TTYH2: variants seen among roughly 807,000 people sequenced by gnomAD.
The protein encoded by TTYH2 is protein tweety homolog 2.
TTYH2 carries 49 observed loss-of-function variants against 68.3 expected under a neutral mutation model. The ratio of observed to expected loss-of-function variants is 0.72; its 90% CI spans 0.57 to 0.91. The LOEUF is 0.91. Among genes scored for constraint, TTYH2 ranks in the 40% least tolerant of loss-of-function variants. The pLI is 0.00. For synonymous variants in TTYH2, 272 were observed against 300.8 expected (o/e 0.90, Z 0.99); for missense variants, 631 against 700.4 (o/e 0.90, Z 1.12).
rs200185724 is a variant in TTYH2 at position 74,241,294 on chromosome 17, T to TGTGTGC, written c.636-2077_636-2076insTGCGTG. On this transcript the variant is annotated intron_variant, in intron 4 of 13. Transcript: ENST00000269346. The surrounding 1 kb of genome is among the most constrained non-coding windows in gnomAD (Gnocchi z 4.1). ...GTGTGTGTGTGTGTGTGTGTGTGTG[T>TGTGTGC]GTGCGTGTAAAAATAAGAATGTGAT... 7.4e-4 allele frequency among the ~76,000 whole-genome samples: 107 copies of TGTGTGC among 144,330 alleles called. 1 individual carries two copies. Among genetic ancestry groups the TGTGTGC allele is most frequent in the African/African-American group, 2.7e-3 (104 of 38,158 alleles). 94.7% of individuals were successfully genotyped at this position (144,330 alleles called of 152,430 possible).
chr17:74,213,691 G>A lies in TTYH2; in HGVS notation c.104G>A (p.Ser35Asn). The A allele has an allele frequency of 2.5e-6, 4 of 1,612,570 alleles. No homozygotes were observed. The highest frequency in any genetic ancestry group is 1.1e-5 in the South Asian group (1 of 91,016). ...LRLQPVNSTFSPGDESYQESL... is the reference protein window; with the variant it reads ...LRLQPVNSTFNPGDESYQESL... Reference sequence around the variant, plus strand: ...CTGCAGCCCGTGAACAGCACCTTCAGCCCCGGCGACGAGAGTTACCAGGAG... The same window carrying A: ...CTGCAGCCCGTGAACAGCACCTTCAACCCCGGCGACGAGAGTTACCAGGAG... Residue 35 changes from serine to asparagine, a missense_variant, in exon 1 of 14, where the codon AGC (serine) becomes AAC (asparagine). By Grantham distance (46) the Ser-to-Asn change is conservative (BLOSUM62 1). Coordinates refer to ENST00000269346, the MANE Select transcript of TTYH2 (RefSeq NM_032646.6). This position sits in a 1 kb window ranked among gnomAD's most constrained non-coding sequence, Gnocchi z 6.1.
chr17:74,219,445 C>T (rs1456094507), intron 1 of TTYH2, among the ~76,000 whole-genome samples: 4 of 150,416 alleles, frequency 2.7e-5, no homozygotes, highest in Non-Finnish European at 2.9e-5. Context: ...GTGTGCAGTT[C>T]AGTTCAATGA....
Position 74,260,552 on chromosome 17 carries a change from A to C in TTYH2, c.*343A>C. The stretch of plus-strand genomic sequence containing the variant: ...CAGTGAGGAGGGGGCCAGGTCAGGC[A>C]CCACCATCAAGAGAGCTGTGTGTTC... On this transcript the variant is annotated 3_prime_UTR_variant, in exon 14 of 14. Coordinates refer to ENST00000269346, the MANE Select transcript of TTYH2 (RefSeq NM_032646.6). 1 of 341,950 alleles carries C rather than the reference A, an allele frequency of 2.9e-6. No homozygotes were observed. The highest frequency in any genetic ancestry group is 5.7e-6 in the Non-Finnish European group (1 of 176,646). 21.2% of individuals were successfully genotyped at this position (341,950 alleles called of 1,614,324 possible).
chr17:74,256,723 AC>A (rs1235395726), intron 13 of TTYH2, among the ~76,000 whole-genome samples: 2 of 152,108 alleles, frequency 1.3e-5, no homozygotes, highest in Admixed American at 6.6e-5. Context: ...ATCTCAGCTC[AC>A]TGCATCCTCC....
At chr17:74,225,496 G>A (rs892648952) in intron 2 of TTYH2, among the ~76,000 whole-genome samples, 1 of 152,172 alleles carries the variant, frequency 6.6e-6, no homozygotes, top group Non-Finnish European at 1.5e-5. Context: ...TGTAACCCAG[G>A]CCGGCGGGAG....
In TTYH2 at chr17:74,222,435, C is replaced by T. The variant is rs1362570253; in HGVS notation, c.130-50C>T. 1 of 1,552,776 alleles carries T rather than the reference C, an allele frequency of 6.4e-7. No individual in the cohort carries two copies. The highest frequency in any genetic ancestry group is 1.2e-5 in the South Asian group (1 of 83,238). On this transcript the variant is annotated intron_variant, in intron 1 of 13. Coordinates refer to ENST00000269346, the MANE Select transcript of TTYH2 (RefSeq NM_032646.6). The surrounding 1 kb of genome is among the most constrained non-coding windows in gnomAD (Gnocchi z 5.2). ...GCCCAAGGGCAGGGCACTTCCAGAGCCCCGCACTGCAGGGATGAAGAGTGA... is the reference window on the plus strand; with the variant it reads ...GCCCAAGGGCAGGGCACTTCCAGAGTCCCGCACTGCAGGGATGAAGAGTGA...
intron 2 of TTYH2, among the ~76,000 whole-genome samples, chr17:74,224,429 C>T (rs1382458208): frequency 6.6e-6 from 1 of 152,140 alleles, no homozygotes; most frequent in Non-Finnish European, 1.5e-5. Flanking sequence ...TGCACACACA[C>T]AGATACCCAC....
At chr17:74,250,440 G>A (rs911332636) in intron 10 of TTYH2, 83 bp downstream of exon 10, 11 of 1,176,074 alleles carry the variant, frequency 9.4e-6, no homozygotes, top group Admixed American at 4.5e-5. Flanking sequence ...GGTAGAGGCC[G>A]AGGGGAGCGA....
chr17:74,222,623 A>G lies in TTYH2; in HGVS notation c.268A>G (p.Thr90Ala). The change falls in exon 2 of 14, where the codon ACC becomes GCC. Residue 90 changes from threonine (T) to alanine (A), a missense_variant. Physicochemically the swap from Thr to Ala is moderately conservative, Grantham distance 58 (BLOSUM62 0). Coordinates refer to ENST00000269346, the MANE Select transcript of TTYH2 (RefSeq NM_032646.6). The surrounding 1 kb of genome is among the most constrained non-coding windows in gnomAD (Gnocchi z 5.2). ...CAAGCAGCACCACTCCTGCTGCATCACCTGGACGGCCGTGGTGGCCGGGCT... is the reference window on the plus strand; with the variant it reads ...CAAGCAGCACCACTCCTGCTGCATCGCCTGGACGGCCGTGGTGGCCGGGCT... ...QTKQHHSCCI[T>A]WTAVVAGLIC... 1.2e-6 allele frequency: 2 copies of G among 1,611,184 alleles called. No individual in the cohort carries two copies. Among genetic ancestry groups the G allele is most frequent in the Non-Finnish European group, 1.7e-6 (2 of 1,179,878 alleles).
Position 74,227,983 on chromosome 17 carries a change from C to CTTTTTTTTTTTTTT in TTYH2, c.303-2900_303-2887dup, listed in dbSNP as rs35080135. On this transcript the variant is annotated intron_variant, in intron 2 of 13. Coordinates refer to ENST00000269346, the MANE Select transcript of TTYH2 (RefSeq NM_032646.6). ...GAAGGAGGTTTCTTTTCTTTTCTTT[C>CTTTTTTTTTTTTTT]TTTTTTTTTTTTTTTTTTGAGATAG... Among the ~76,000 whole-genome samples, 142 of 112,494 alleles carry CTTTTTTTTTTTTTT rather than the reference C, an allele frequency of 1.3e-3. 9 individuals are homozygous for CTTTTTTTTTTTTTT. Among genetic ancestry groups the CTTTTTTTTTTTTTT allele is most frequent in the African/African-American group, 4.7e-3 (101 of 21,534 alleles). 73.8% of individuals were successfully genotyped at this position (112,494 alleles called of 152,430 possible). A position where few individuals can be genotyped will look rare whatever the true frequency, so the allele number is the denominator to read the frequency against.
chr17:74,216,733 C>A (rs952671491), intron 1 of TTYH2, among the ~76,000 whole-genome samples: 7 of 152,206 alleles, frequency 4.6e-5, no homozygotes, highest in African/African-American at 1.7e-4. Flanking sequence ...GACGAGGGCA[C>A]CTTGGCCCTG....
At chr17:74,216,203 A>G (rs1214978811) in intron 1 of TTYH2, among the ~76,000 whole-genome samples, 1 of 152,108 alleles carries the variant, frequency 6.6e-6, no homozygotes, top group Non-Finnish European at 1.5e-5. Context: ...CCTGCTGGGG[A>G]ATGGAGAGGA....
At chr17:74,235,296 T>C (rs2050431384) in intron 3 of TTYH2, among the ~76,000 whole-genome samples, 1 of 152,168 alleles carries the variant, frequency 6.6e-6, no homozygotes, top group Admixed American at 6.5e-5. Flanking sequence ...AGTTTCTGCC[T>C]CTTCTTCTGT....
chr17:74,237,561 C>T (rs972109350), intron 4 of TTYH2, 47 bp downstream of exon 4: 1 of 1,530,180 alleles, frequency 6.5e-7, no homozygotes, highest in Non-Finnish European at 8.9e-7. Flanking sequence ...GCGGCTACAT[C>T]AGCTTTGTTT....
At chr17:74,237,226 A>C (rs570348384) in intron 3 of TTYH2, 68 bp from the exon 4 acceptor site, 1 of 1,531,468 alleles carries the variant, frequency 6.5e-7, no homozygotes. Flanking sequence ...TGCTGCCTGC[A>C]AAGACCTCTT....
Position 74,232,260 on chromosome 17 carries a change from CG to C in TTYH2, c.414+1266del, listed in dbSNP as rs2050397277. Among the ~76,000 whole-genome samples the C allele has an allele frequency of 6.6e-6, 1 of 152,152 alleles. No individual in the cohort carries two copies. The highest frequency in any genetic ancestry group is 2.4e-5 in the African/African-American group (1 of 41,442). On this transcript the variant is annotated intron_variant, in intron 3 of 13. Transcript: ENST00000269346. The surrounding 1 kb of genome is among the most constrained non-coding windows in gnomAD (Gnocchi z 5.1). ...TAATCCCTCAGTCAACAAGGGGGGT[CG>C]GGGGTGTCACCTTAAAGAGACAGCT...
intron 3 of TTYH2, among the ~76,000 whole-genome samples, chr17:74,235,279 T>C (rs558401317): frequency 4.6e-5 from 7 of 152,270 alleles, no homozygotes; most frequent in Admixed American, 3.3e-4. Context: ...CTGATCTCAC[T>C]GTGGGAAGTT....
rs1405677777 is a variant in TTYH2 at position 74,239,803 on chromosome 17, C to A, written c.635+2289C>A. Among the ~76,000 whole-genome samples, 1 of 152,234 alleles carries A rather than the reference C, an allele frequency of 6.6e-6. No individual in the cohort carries two copies. The highest frequency in any genetic ancestry group is 1.9e-4 in the East Asian group (1 of 5,200). ...GCCAGCTCTAAGGACTGTCTGTGAC[C>A]TCCTGTGGCCCCAAAACAGGGGTGT... On this transcript the variant is annotated intron_variant, in intron 4 of 13. Coordinates refer to ENST00000269346, the MANE Select transcript of TTYH2 (RefSeq NM_032646.6). The surrounding 1 kb of genome is among the most constrained non-coding windows in gnomAD (Gnocchi z 5.3).
At chr17:74,251,230 ATG>A (rs915951327) in intron 10 of TTYH2, among the ~76,000 whole-genome samples, 42 of 142,780 alleles carry the variant, frequency 2.9e-4, no homozygotes, top group Admixed American at 2.9e-3. Context: ...ATGTGCCTGT[ATG>A]TGTGTGTGGG....
Sources: allele counts gnomAD v4.1 joint callset (sites outside exome capture counted in the v4.1 genomes callset), GRCh38; gene constraint gnomAD v4.1.1; non-coding constraint Gnocchi (gnomAD v3.1); transcripts MANE v1.5; gene names NCBI Gene and HGNC (gene_info 2026-07-23, HGNC 2026-07-21).